MOSMO: variants seen among roughly 807,000 people sequenced by gnomAD.
MOSMO encodes the protein modulator of smoothened.
In MOSMO, 5 loss-of-function variants were observed where a neutral mutation model predicts 18.4. That is an observed-to-expected ratio of 0.27 (90% CI 0.14 to 0.57). The LOEUF (loss-of-function observed/expected upper bound fraction) is 0.57. Ranked by LOEUF, MOSMO falls within the 20% of genes least tolerant of loss-of-function variation. The pLI is 0.92. For synonymous variants in MOSMO, 82 were observed against 82.3 expected (o/e 1.00, Z 0.02); for missense variants, 138 against 211.8 (o/e 0.65, Z 2.16).
At chr16:22,028,250 T>C (rs1366490961) in intron 1 of MOSMO, among the ~76,000 whole-genome samples, 1 of 152,156 alleles carries the variant, frequency 6.6e-6, no homozygotes, top group Non-Finnish European at 1.5e-5. Flanking sequence ...TTTCCTTTAT[T>C]ATGATTACTC....
At chr16:22,059,779 G>A (rs992752829) in intron 1 of MOSMO, among the ~76,000 whole-genome samples, 1 of 151,716 alleles carries the variant, frequency 6.6e-6, no homozygotes, top group African/African-American at 2.4e-5. Flanking sequence ...TGGGGATTAT[G>A]GGGATTATAA....
At chr16:22,079,492 A>G (rs1374688186) in intron 2 of MOSMO, among the ~76,000 whole-genome samples, 1 of 152,230 alleles carries the variant, frequency 6.6e-6, no homozygotes, top group Non-Finnish European at 1.5e-5. Flanking sequence ...ACAAGGGAGC[A>G]GGCCATTTGC....
rs76803084 is a variant in MOSMO, at chr16:22,075,444, G to C, written c.107-43G>C. On this transcript the variant is annotated intron_variant, in intron 1 of 2. Transcript: ENST00000542527. ...GGTGGTGAGGAATATTCCCTGGACA[G>C]GCCAAACCCACTAAAGTATTCCCAC... 3 of 1,284,972 alleles carry C rather than the reference G, an allele frequency of 2.3e-6. No individual in the cohort carries two copies. The African/African-American group carries it at 5.4e-5, about 23-fold the overall frequency. The allele number at this position is 1,284,972 out of a possible 1,614,324, so 79.6% of individuals were successfully genotyped here.
At chr16:22,016,058 T>C (rs1407445809) in intron 1 of MOSMO, among the ~76,000 whole-genome samples, 1 of 152,220 alleles carries the variant, frequency 6.6e-6, no homozygotes, top group Non-Finnish European at 1.5e-5. Context: ...TTCTGCTTAG[T>C]GTGACCAAAA....
At chr16:22,012,328 C>T (rs866629345) in intron 1 of MOSMO, among the ~76,000 whole-genome samples, 4 of 152,132 alleles carry the variant, frequency 2.6e-5, no homozygotes, top group African/African-American at 9.7e-5. Context: ...TCTTTGTCTC[C>T]GTTTCCTCCT....
chr16:22,023,720 GGT>G (rs1899810720), intron 1 of MOSMO, among the ~76,000 whole-genome samples: 1 of 151,836 alleles, frequency 6.6e-6, no homozygotes, highest in South Asian at 2.1e-4. Context: ...CATTCTCAGT[GGT>G]CAGTTTCCAT....
intron 1 of MOSMO, among the ~76,000 whole-genome samples, chr16:22,042,597 T>C (rs1900230153): frequency 6.6e-6 from 1 of 152,242 alleles, no homozygotes; most frequent in Admixed American, 6.5e-5. Context: ...TTGCCATCAT[T>C]TCACCAACTG....
At position 22,075,617 on chromosome 16, in the gene MOSMO, G is replaced by T; in HGVS notation, c.237G>T (p.Leu79Phe). 6.5e-7 allele frequency: 1 copy of T among 1,537,378 alleles called. No homozygotes were observed. Among genetic ancestry groups the T allele is most frequent in the South Asian group, 1.2e-5 (1 of 84,054 alleles). The change falls in exon 2 of 3, where the codon TTG becomes TTT. Residue 79 changes from leucine (L) to phenylalanine (F), a missense_variant. Physicochemically the swap from Leu to Phe is conservative, Grantham distance 22. Coordinates refer to ENST00000542527, the MANE Select transcript of MOSMO (RefSeq NM_001164579.2). ...LFFIIMGIIS[L>F]TVTCGLLVAS... The stretch of plus-strand genomic sequence containing the variant: ...TTATCATCATGGGAATCATTTCATT[G>T]ACTGTCACATGTGGTTTGCTGGTGG...
chr16:22,040,840 T>C (rs1900196547), intron 1 of MOSMO, among the ~76,000 whole-genome samples: 1 of 152,158 alleles, frequency 6.6e-6, no homozygotes, highest in Non-Finnish European at 1.5e-5. Flanking sequence ...AAGACACGCC[T>C]ATAGTCCCAG....
At chr16:22,069,671 C>G (rs1900810186) in intron 1 of MOSMO, among the ~76,000 whole-genome samples, 2 of 152,102 alleles carry the variant, frequency 1.3e-5, no homozygotes, top group South Asian at 4.1e-4. Flanking sequence ...GAGTGAGCTT[C>G]ACAAGAGCTC....
intron 1 of MOSMO, among the ~76,000 whole-genome samples, chr16:22,020,291 ATT>A (rs1204620607): frequency 5.7e-5 from 7 of 122,508 alleles, no homozygotes; most frequent in Non-Finnish European, 1.0e-4. Context: ...CCTGACTTTA[ATT>A]TTTTTTTTTT....
intron 1 of MOSMO, among the ~76,000 whole-genome samples, chr16:22,030,411 A>G (rs1473767203): frequency 6.6e-6 from 1 of 152,188 alleles, no homozygotes; most frequent in Non-Finnish European, 1.5e-5. Context: ...GTGTGTCACT[A>G]TTTTTCCTTT....
intron 1 of MOSMO, among the ~76,000 whole-genome samples, chr16:22,021,396 A>G (rs911508503): frequency 1.1e-4 from 17 of 152,078 alleles, no homozygotes; most frequent in African/African-American, 2.7e-4. Context: ...TTTTCCCCCA[A>G]CTGAAAAATA....
downstream of MOSMO, chr16:22,092,441 G>A (rs1901359747): frequency 7.4e-6 from 4 of 543,606 alleles, no homozygotes; most frequent in Middle Eastern, 5.3e-4. Context: ...TCTTCCCTGG[G>A]GTGAGGAAGG....
At chr16:22,087,032 A>T (rs1259519474), downstream of MOSMO, 1 of 152,308 alleles carries the variant, frequency 6.6e-6, no homozygotes, top group African/African-American at 2.4e-5. Flanking sequence ...GCTATATAAT[A>T]TATCAGTTCC....
At chr16:22,040,896 G>C (rs569748384) in intron 1 of MOSMO, among the ~76,000 whole-genome samples, 238 of 152,164 alleles carry the variant, frequency 1.6e-3, no homozygotes, top group African/African-American at 5.5e-3. Context: ...CCTTGGAGGC[G>C]GAGGTTACAG....
At chr16:22,029,058 G>A (rs1899940501) in intron 1 of MOSMO, among the ~76,000 whole-genome samples, 1 of 152,098 alleles carries the variant, frequency 6.6e-6, no homozygotes, top group Non-Finnish European at 1.5e-5. Context: ...TTTTAGTAGA[G>A]ACGGGGGTTC....
At chr16:22,063,381 C>G (rs1427331019) in intron 1 of MOSMO, among the ~76,000 whole-genome samples, 1 of 152,198 alleles carries the variant, frequency 6.6e-6, no homozygotes, top group African/African-American at 2.4e-5. Flanking sequence ...GTTACTTTAA[C>G]AGACCTGGAG....
intron 1 of MOSMO, among the ~76,000 whole-genome samples, chr16:22,060,958 A>G (rs2141759097): frequency 6.6e-6 from 1 of 152,342 alleles, no homozygotes; most frequent in South Asian, 2.1e-4. Context: ...TACACTTACC[A>G]TATGACTAAG....
Sources: gnomAD v4.1 joint callset for allele counts (sites outside exome capture counted in the v4.1 genomes callset) on GRCh38, gnomAD v4.1.1 for gene constraint, MANE v1.5 for transcripts, NCBI Gene and HGNC (gene_info 2026-07-23, HGNC 2026-07-21) for gene names.